The following SEC14L6 variants were observed in gnomAD, a reference collection of about 807,000 sequenced individuals.
The protein encoded by SEC14L6 is SEC14-like protein 6.
In SEC14L6, 40 loss-of-function variants were observed where a neutral mutation model predicts 54.1. The observed-to-expected ratio is 0.74, with a 90% CI of 0.57 to 0.96. SEC14L6 has a LOEUF of 0.96. Among genes scored for constraint, SEC14L6 ranks in the 40% least tolerant of loss-of-function variants. The pLI is 0.00. For synonymous variants in SEC14L6, 171 were observed against 198.4 expected (o/e 0.86, Z 1.16); for missense variants, 471 against 498.3 (o/e 0.95, Z 0.52).
At chr22:30,534,242 A>T (rs1352711137) in intron 2 of SEC14L6, among the ~76,000 whole-genome samples, 8 of 152,194 alleles carry the variant, frequency 5.3e-5, no homozygotes, top group Non-Finnish European at 7.4e-5. Flanking sequence ...TTCCCTGGGC[A>T]TGCCCCTTGG....
intron 6 of SEC14L6, among the ~76,000 whole-genome samples, chr22:30,530,840 T>C (rs531725434): frequency 1.3e-5 from 2 of 152,204 alleles, no homozygotes; most frequent in South Asian, 4.1e-4. Context: ...TGACCTACTC[T>C]CAGCCCTTCC....
Position 30,529,127 on chromosome 22 carries a change from G to A in SEC14L6, c.624C>T (p.Tyr208=). The change falls in exon 8 of 12, where the codon TAC becomes TAT. Residue 208 remains tyrosine, a synonymous_variant. Transcript: ENST00000402034. The part of the protein sequence containing the change: ...FAVAFNLVKS[Y]MSEETRRKVV... ...CCTTCCTGCGTGTCTCTTCACTCAT[G>A]TAAGACTTGACCAGGTTGAAGGCTA... is the stretch of plus-strand genomic sequence containing the variant. 2 of 1,551,328 alleles carry A rather than the reference G, an allele frequency of 1.3e-6. No homozygotes were observed. Among genetic ancestry groups the A allele is most frequent in the Non-Finnish European group, 1.7e-6 (2 of 1,147,244 alleles).
In SEC14L6 at chr22:30,533,914, G is replaced by GATGA. The variant is rs1040276321; in HGVS notation, c.174+78_174+81dup. 2.1e-5 allele frequency: 26 copies of GATGA among 1,263,834 alleles called. No homozygotes were observed. The African/African-American group carries it at 3.1e-4, about 15-fold the overall frequency. 78.3% of individuals were successfully genotyped at this position (1,263,834 alleles called of 1,614,324 possible). A position where few individuals can be genotyped will look rare whatever the true frequency, so the allele number is the denominator to read the frequency against. ...TGTTCCATGAATGAATGAATGGATG[G>GATGA]ATGAATGAATGAATAAATTTGTGCC... On this transcript the variant is annotated intron_variant, in intron 3 of 11. Transcript: ENST00000402034.
In SEC14L6 at chr22:30,524,805, G is replaced by A; in HGVS notation, c.*192C>T. ...TGGAGTGTCTGTGTTGCTTTGCTGT[G>A]ACCATCGGGCCACCACTAGGACACT... On this transcript the variant is annotated 3_prime_UTR_variant, in exon 12 of 12. Transcript: ENST00000402034. 1.8e-6 allele frequency: 1 copy of A among 555,174 alleles called. No individual in the cohort carries two copies. Among genetic ancestry groups the A allele is most frequent in the Admixed American group, 3.0e-5 (1 of 33,142 alleles). 34.4% of individuals were successfully genotyped at this position (555,174 alleles called of 1,614,324 possible).
At chr22:30,531,768 T>C (rs1436892268) in intron 6 of SEC14L6, 135 bp downstream of exon 6, 1 of 632,960 alleles carries the variant, frequency 1.6e-6, no homozygotes, top group Non-Finnish European at 2.8e-6. Flanking sequence ...GCAGCTCTTG[T>C]GGGCAGTACC....
chr22:30,538,797 C>T (rs1267440645), intron 2 of SEC14L6, 30 bp downstream of exon 2: 6 of 1,487,980 alleles, frequency 4.0e-6, no homozygotes, highest in Non-Finnish European at 5.5e-6. Flanking sequence ...ATGCCATTGA[C>T]CCTACCCCAG....
intron 6 of SEC14L6, among the ~76,000 whole-genome samples, chr22:30,529,884 T>C (rs1030505097): frequency 1.8e-4 from 27 of 152,238 alleles, no homozygotes. Flanking sequence ...GACTTTCTTT[T>C]AGCATAATAT....
In SEC14L6 at chr22:30,529,001, G is replaced by A. The variant is rs1438863730; in HGVS notation, c.664+86C>T. On this transcript the variant is annotated intron_variant, in intron 8 of 11. Coordinates refer to ENST00000402034, the MANE Select transcript of SEC14L6 (RefSeq NM_001193336.4). ...CACCAGTTGGGTGCCCTACACCTTC[G>A]GATGCAGGAACCATCAGATCTGTGA... The A allele has an allele frequency of 3.2e-5, 38 of 1,199,610 alleles. 1 individual carries two copies. In the East Asian group the frequency reaches 5.4e-4, roughly 17 times the overall value. 74.3% of individuals were successfully genotyped at this position (1,199,610 alleles called of 1,614,324 possible).
intron 6 of SEC14L6, among the ~76,000 whole-genome samples, chr22:30,531,353 G>C (rs529093818): frequency 6.7e-6 from 1 of 149,332 alleles, no homozygotes; most frequent in African/African-American, 2.5e-5. Flanking sequence ...TTTGCAGTGA[G>C]CCGAGATCAC....
chr22:30,526,498 C>T (rs1008058457), intron 8 of SEC14L6, among the ~76,000 whole-genome samples: 5 of 152,128 alleles, frequency 3.3e-5, no homozygotes, highest in African/African-American at 1.2e-4. Flanking sequence ...CCAGTACCCT[C>T]GGAGAGAGAA....
rs962030224 is a variant in SEC14L6, at chr22:30,524,964, C to T, written c.*33G>A. ...GTGAACTCATTGTGGATTCAGAGAT[C>T]AAAGAGGAGGGTGTGGGGACCATGA... is the stretch of plus-strand genomic sequence containing the variant. On this transcript the variant is annotated 3_prime_UTR_variant, in exon 12 of 12. Transcript: ENST00000402034. The T allele has an allele frequency of 9.1e-7, 1 of 1,100,780 alleles. No individual in the cohort carries two copies. Among genetic ancestry groups the T allele is most frequent in the African/African-American group, 1.6e-5 (1 of 64,358 alleles). The allele number at this position is 1,100,780 out of a possible 1,614,324, so 68.2% of individuals were successfully genotyped here. A position where few individuals can be genotyped will look rare whatever the true frequency, so the allele number is the denominator to read the frequency against.
At chr22:30,546,599 G>A (rs962656648) in intron 1 of SEC14L6, 30 bp downstream of exon 1, 5 of 1,543,820 alleles carry the variant, frequency 3.2e-6, no homozygotes, top group Non-Finnish European at 4.4e-6. Flanking sequence ...AGAAACTGAG[G>A]CTGGTGTAGG....
chr22:30,525,911 G>A lies in SEC14L6; in HGVS notation c.686C>T (p.Thr229Ile), dbSNP rs1936763537. The A allele has an allele frequency of 6.2e-7, 1 of 1,610,908 alleles. No homozygotes were observed. Among genetic ancestry groups the A allele is most frequent in the Non-Finnish European group, 8.5e-7 (1 of 1,178,412 alleles). ...CAGCTGGTCGGGGCTGATGAATTTTGTCAGCTCCTGCTTCCAGTTGTCTGC... is the reference window on the plus strand; with the variant it reads ...CAGCTGGTCGGGGCTGATGAATTTTATCAGCTCCTGCTTCCAGTTGTCTGC... ...ILGDNWKQEL[T>I]KFISPDQLPV... is the part of the protein sequence containing the mutation. The change falls in exon 9 of 12, where the codon ACA (threonine) becomes ATA (isoleucine). Residue 229 changes from threonine (T) to isoleucine (I), a missense_variant. Coordinates refer to ENST00000402034, the MANE Select transcript of SEC14L6 (RefSeq NM_001193336.4).
At chr22:30,542,086 C>T (rs542477283) in intron 1 of SEC14L6, among the ~76,000 whole-genome samples, 4 of 152,296 alleles carry the variant, frequency 2.6e-5, no homozygotes, top group Admixed American at 1.3e-4. Flanking sequence ...GCTCAGACCC[C>T]GTCCCCAGCC....
At chr22:30,531,330 C>G (rs1936963165) in intron 6 of SEC14L6, among the ~76,000 whole-genome samples, 1 of 151,708 alleles carries the variant, frequency 6.6e-6, no homozygotes, top group Non-Finnish European at 1.5e-5. Flanking sequence ...TTGCTTGAAC[C>G]TGGCAGGTGG....
At chr22:30,535,887 GTTTTTTTTTTTTT>G (rs71643521) in intron 2 of SEC14L6, among the ~76,000 whole-genome samples, 1 of 128,522 alleles carries the variant, frequency 7.8e-6, no homozygotes, top group Admixed American at 8.0e-5. Context: ...AGTTTTTTGT[GTTTTTTTTTTTTT>G]TTTTTTTTTG....
At chr22:30,546,181 C>T (rs2085795768) in intron 1 of SEC14L6, among the ~76,000 whole-genome samples, 1 of 151,862 alleles carries the variant, frequency 6.6e-6, no homozygotes, top group Non-Finnish European at 1.5e-5. Flanking sequence ...TCAGGAATTC[C>T]AGACCAGCCT....
At position 30,529,203 on chromosome 22, in the gene SEC14L6, G is replaced by A. The variant is rs140531030; in HGVS notation, c.581-33C>T. 736 of 1,548,160 alleles carry A rather than the reference G, an allele frequency of 4.8e-4. 2 individuals carry two copies. In the African/African-American group the frequency reaches 8.5e-3, roughly 18 times the overall value. On this transcript the variant is annotated intron_variant, in intron 7 of 11. Transcript: ENST00000402034. ...CAGGCACAGAACTGCTCCCTCAGGC[G>A]GCTGGCTGGGGTCTCAGGTGCCCAC...
intron 2 of SEC14L6, among the ~76,000 whole-genome samples, chr22:30,535,683 C>G (rs1937118730): frequency 6.6e-6 from 1 of 152,096 alleles, no homozygotes; most frequent in Admixed American, 6.6e-5. Context: ...AGCTAGGAAA[C>G]CCTGTTGGCT....
Sources: gnomAD v4.1 joint callset for allele counts (sites outside exome capture counted in the v4.1 genomes callset) on GRCh38, gnomAD v4.1.1 for gene constraint, MANE v1.5 for transcripts, NCBI Gene and HGNC (gene_info 2026-07-23, HGNC 2026-07-21) for gene names.